Variants in TMPRSS15 observed in about 807,000 individuals in gnomAD.
TMPRSS15 encodes the protein enteropeptidase.
In TMPRSS15, 128 loss-of-function variants were observed where a neutral mutation model predicts 125.3. The ratio of observed to expected loss-of-function variants is 1.02; its 90% CI spans 0.89 to 1.18. TMPRSS15 has a LOEUF of 1.18. Among genes scored for constraint, TMPRSS15 ranks in the 50% most tolerant of loss-of-function variants. TMPRSS15 has a pLI of 0.00. For synonymous variants in TMPRSS15, 446 were observed against 423.2 expected, an observed-to-expected ratio of 1.05 and a Z score of -0.66; for missense variants, 1,283 against 1,212.7, an observed-to-expected ratio of 1.06 and a Z score of -0.86.
chr21:18,387,773 T>C (rs2075958271), intron 3 of TMPRSS15, among the ~76,000 whole-genome samples: 1 of 152,140 alleles, frequency 6.6e-6, no homozygotes, highest in Non-Finnish European at 1.5e-5. Context: ...TTTGATCATA[T>C]ACACATACAT....
intron 13 of TMPRSS15, among the ~76,000 whole-genome samples, chr21:18,333,437 T>C (rs1237097105): frequency 1.3e-5 from 2 of 152,196 alleles, no homozygotes; most frequent in Admixed American, 6.5e-5. Flanking sequence ...ATAAAATCCC[T>C]ACTGTAGAAA....
At chr21:18,344,623 A>G (rs1303973701) in intron 10 of TMPRSS15, among the ~76,000 whole-genome samples, 2 of 152,222 alleles carry the variant, frequency 1.3e-5, no homozygotes, top group Non-Finnish European at 2.9e-5. Flanking sequence ...AGAAGCAGAA[A>G]GCATGCTAAT....
intron 13 of TMPRSS15, 38 bp downstream of exon 13, chr21:18,341,375 T>C: frequency 6.2e-7 from 1 of 1,613,616 alleles, no homozygotes; most frequent in Non-Finnish European, 8.5e-7. Context: ...CTGACGTTAA[T>C]GATTTAATAA....
intron 16 of TMPRSS15, among the ~76,000 whole-genome samples, chr21:18,316,791 A>G (rs2075172069): frequency 6.6e-6 from 1 of 152,044 alleles, no homozygotes; most frequent in South Asian, 2.1e-4. Context: ...GTTCTGGGAG[A>G]GCCCTCATAT....
chr21:18,411,700 T>G (rs528918394), intron 1 of TMPRSS15, among the ~76,000 whole-genome samples: 1 of 152,308 alleles, frequency 6.6e-6, no homozygotes, highest in Admixed American at 6.5e-5. Flanking sequence ...TCCTCGCCCT[T>G]CATCCTTTGT....
At chr21:18,321,554 G>A (rs1048442865) in intron 16 of TMPRSS15, among the ~76,000 whole-genome samples, 4 of 151,970 alleles carry the variant, frequency 2.6e-5, no homozygotes, top group East Asian at 3.9e-4. Flanking sequence ...GGGTTTCACC[G>A]TGTTAGCCAG....
chr21:18,332,968 T>C (rs1213464190), intron 13 of TMPRSS15, among the ~76,000 whole-genome samples: 4 of 152,140 alleles, frequency 2.6e-5, no homozygotes, highest in African/African-American at 2.4e-5. Context: ...CTGGAGACCA[T>C]TAACCTTAGC....
At chr21:18,302,099 G>A (rs965318121) in intron 18 of TMPRSS15, among the ~76,000 whole-genome samples, 3 of 152,160 alleles carry the variant, frequency 2.0e-5, no homozygotes, top group Admixed American at 6.5e-5. Context: ...GAGCTTAGGC[G>A]GGGATGTTTT....
intron 24 of TMPRSS15, among the ~76,000 whole-genome samples, chr21:18,274,952 A>C (rs1404223926): frequency 6.6e-6 from 1 of 152,220 alleles, no homozygotes; most frequent in Non-Finnish European, 1.5e-5. Context: ...GCTGCCTCAC[A>C]CATTCAAGTA....
chr21:18,412,248 A>G (rs2076167802), intron 1 of TMPRSS15, among the ~76,000 whole-genome samples: 1 of 152,172 alleles, frequency 6.6e-6, no homozygotes, highest in Non-Finnish European at 1.5e-5. Flanking sequence ...GAGTGAGCCT[A>G]CTTGTCAGAT....
intron 17 of TMPRSS15, among the ~76,000 whole-genome samples, chr21:18,313,579 A>T (rs1164215532): frequency 6.6e-6 from 1 of 151,926 alleles, no homozygotes. Context: ...CTAAATTGAT[A>T]GGAGTAAATT....
At chr21:18,340,563 T>A (rs1385797683) in intron 13 of TMPRSS15, among the ~76,000 whole-genome samples, 2 of 152,314 alleles carry the variant, frequency 1.3e-5, no homozygotes, top group African/African-American at 4.8e-5. Flanking sequence ...ATGAGTTCTG[T>A]CCCTCTAGAG....
rs936308134 is a variant in TMPRSS15 at position 18,354,234 on chromosome 21, G to T, written c.881-371C>A. 2.0e-5 allele frequency among the ~76,000 whole-genome samples: 3 copies of T among 151,736 alleles called. No homozygotes were observed. The South Asian group carries it at 6.2e-4, about 31-fold the overall frequency. ...ATTAAAGTCAACTTAGCTTTATCAG[G>T]TATTTACTGTGTCCCACTCACAGGG... On this transcript the variant is annotated intron_variant, in intron 8 of 24. Coordinates refer to ENST00000284885, the MANE Select transcript of TMPRSS15 (RefSeq NM_002772.3).
intron 12 of TMPRSS15, among the ~76,000 whole-genome samples, chr21:18,341,820 T>G (rs1601359928): frequency 1.3e-5 from 2 of 152,224 alleles, no homozygotes; most frequent in Non-Finnish European, 2.9e-5. Flanking sequence ...ACAGTTTCTA[T>G]ATCTCTGTCT....
At chr21:18,337,658 C>T (rs144480975) in intron 13 of TMPRSS15, among the ~76,000 whole-genome samples, 1 of 152,164 alleles carries the variant, frequency 6.6e-6, no homozygotes, top group Non-Finnish European at 1.5e-5. Context: ...ATGTGGGTTC[C>T]CAGGAAAGAG....
At chr21:18,401,412 A>G (rs1038052194) in intron 1 of TMPRSS15, among the ~76,000 whole-genome samples, 1 of 152,198 alleles carries the variant, frequency 6.6e-6, no homozygotes, top group African/African-American at 2.4e-5. Context: ...AAAAAGAATG[A>G]ACTCATGTCC....
At chr21:18,378,367 T>C (rs2123035654) in intron 5 of TMPRSS15, among the ~76,000 whole-genome samples, 1 of 152,210 alleles carries the variant, frequency 6.6e-6, no homozygotes, top group Middle Eastern at 3.4e-3. Context: ...ATAACCTAAA[T>C]ACAACTGCAG....
intron 1 of TMPRSS15, among the ~76,000 whole-genome samples, chr21:18,437,804 A>T (rs1259862428): frequency 1.3e-5 from 2 of 152,218 alleles, no homozygotes; most frequent in Non-Finnish European, 2.9e-5. Context: ...TAGAATGGCA[A>T]TCACTAAAAA....
At chr21:18,285,386 G>A (rs1289418441) in intron 21 of TMPRSS15, among the ~76,000 whole-genome samples, 1 of 152,106 alleles carries the variant, frequency 6.6e-6, no homozygotes, top group Non-Finnish European at 1.5e-5. Flanking sequence ...ACAGGCTGAA[G>A]GGAAAATAAA....
Sources: gnomAD v4.1 joint callset for allele counts (sites outside exome capture counted in the v4.1 genomes callset) on GRCh38, gnomAD v4.1.1 for gene constraint, MANE v1.5 for transcripts, NCBI Gene and HGNC (gene_info 2026-07-23, HGNC 2026-07-21) for gene names.